ACAD10: variants seen among roughly 807,000 people sequenced by gnomAD.
ACAD10 encodes acyl-CoA dehydrogenase family member 10.
Under a neutral mutation model 116.8 loss-of-function variants are expected in ACAD10, and 112 were observed. The ratio of observed to expected loss-of-function variants is 0.96; its 90% CI spans 0.82 to 1.12. The LOEUF is 1.12. Among genes scored for constraint, ACAD10 ranks in the 50% most tolerant of loss-of-function variants. ACAD10 has a pLI of 0.00. For missense variants in ACAD10, 1,259 were observed against 1,350.2 expected, an observed-to-expected ratio of 0.93 and a Z score of 1.06; for synonymous variants, 486 against 510.6, an observed-to-expected ratio of 0.95 and a Z score of 0.65.
At chr12:111,738,739 C>T (rs1034914762) in intron 12 of ACAD10, among the ~76,000 whole-genome samples, 10 of 151,544 alleles carry the variant, frequency 6.6e-5, no homozygotes, top group African/African-American at 9.7e-5. Context: ...TGATGGCGGG[C>T]GCCTAAAATC....
rs541568336 is a variant in ACAD10, at chr12:111,712,356, C to T, written c.691-142C>T. The T allele has an allele frequency of 6.8e-6, 5 of 730,742 alleles. No homozygotes were observed. In the East Asian group the frequency reaches 1.4e-4, roughly 21 times the overall value. 45.3% of individuals were successfully genotyped at this position (730,742 alleles called of 1,614,324 possible). Reference sequence around the variant, plus strand: ...CCAGGATTGACTGCTGGCACCTGTTCAATATATATTCTCTGCACCTGTACT... The same window carrying T: ...CCAGGATTGACTGCTGGCACCTGTTTAATATATATTCTCTGCACCTGTACT... On this transcript the variant is annotated intron_variant, in intron 5 of 20. Transcript: ENST00000313698.
In ACAD10 at chr12:111,729,788, T is replaced by C. The variant is rs753471302; in HGVS notation, c.1244-18T>C. The C allele has an allele frequency of 8.7e-6, 14 of 1,608,892 alleles. No individual in the cohort carries two copies. In the African/African-American group the frequency reaches 1.6e-4, roughly 18 times the overall value. On this transcript the variant is annotated intron_variant, in intron 9 of 20. Transcript: ENST00000313698. ...GTTGCTGAAATTGCACACCAAGTTC[T>C]AATCCTATTTCCCGCAGGGGACTAT... is the stretch of plus-strand genomic sequence containing the variant.
rs560344796 is a variant in ACAD10 at position 111,718,036 on chromosome 12, C to CTTTTTTTTTTTTTTTTTTTTTT, written c.992+2084_992+2105dup. Among the ~76,000 whole-genome samples, 4 of 63,680 alleles carry CTTTTTTTTTTTTTTTTTTTTTT rather than the reference C, an allele frequency of 6.3e-5. 1 individual carries two copies. The highest frequency in any genetic ancestry group is 3.3e-4 in the African/African-American group (4 of 12,194). The allele number at this position is 63,680 out of a possible 152,430, so 41.8% of individuals were successfully genotyped here. A position where few individuals can be genotyped will look rare whatever the true frequency, so the allele number is the denominator to read the frequency against. On this transcript the variant is annotated intron_variant, in intron 7 of 20. Coordinates refer to ENST00000313698, the MANE Select transcript of ACAD10 (RefSeq NM_025247.6). ...TATACGTAGGATCTATAGTGATATC[C>CTTTTTTTTTTTTTTTTTTTTTT]TTTTTTTTTTTTTTTTTTTTTTTTT...
At chr12:111,706,596 T>C (rs1482177023) in intron 4 of ACAD10, among the ~76,000 whole-genome samples, 1 of 151,526 alleles carries the variant, frequency 6.6e-6, no homozygotes, top group East Asian at 1.9e-4. Flanking sequence ...ATTACAGATG[T>C]GTGCCACCAT....
At chr12:111,690,232 A>G (rs1887997339) in intron 1 of ACAD10, among the ~76,000 whole-genome samples, 1 of 152,200 alleles carries the variant, frequency 6.6e-6, no homozygotes. Flanking sequence ...CGTATATATA[A>G]TGAGATATCT....
chr12:111,747,600 C>A (rs1889950269), intron 16 of ACAD10: 1 of 1,378,240 alleles, frequency 7.3e-7, no homozygotes, highest in Non-Finnish European at 9.4e-7. Flanking sequence ...CAGGGACGTC[C>A]CCCGGTGCCC....
rs538326671 is a variant in ACAD10, at chr12:111,753,658, C to T, written c.2818-114C>T. The T allele has an allele frequency of 1.5e-5, 21 of 1,409,100 alleles. No individual in the cohort carries two copies. The African/African-American group carries it at 2.4e-4, about 16-fold the overall frequency. 87.3% of individuals were successfully genotyped at this position (1,409,100 alleles called of 1,614,324 possible). A position where few individuals can be genotyped will look rare whatever the true frequency, so the allele number is the denominator to read the frequency against. ...GATGCACAGTCCTGGTTTCACTCTC[C>T]TCCCCTGCCCTGTCCTGTCTGCTTC... On this transcript the variant is annotated intron_variant, in intron 18 of 20. Transcript: ENST00000313698.
Position 111,716,001 on chromosome 12 carries a change from C to G in ACAD10, c.992+39C>G, listed in dbSNP as rs866179955. 1.3e-5 allele frequency: 21 copies of G among 1,612,700 alleles called. 1 individual carries two copies. The Middle Eastern group carries it at 3.5e-3, about 270-fold the overall frequency. ...GCCAGGGGAGCACTTGCCCACTAGCCTCCACTGTGCACAAGCTCAGCCCTA... is the reference window on the plus strand; with the variant it reads ...GCCAGGGGAGCACTTGCCCACTAGCGTCCACTGTGCACAAGCTCAGCCCTA... On this transcript the variant is annotated intron_variant, in intron 7 of 20. Coordinates refer to ENST00000313698, the MANE Select transcript of ACAD10 (RefSeq NM_025247.6).
At chr12:111,698,344 T>C (rs943404163) in intron 2 of ACAD10, among the ~76,000 whole-genome samples, 1 of 149,062 alleles carries the variant, frequency 6.7e-6, no homozygotes, top group African/African-American at 2.5e-5. Flanking sequence ...TGGCCCAGGC[T>C]GTCAGGCTGG....
At position 111,702,265 on chromosome 12, in the gene ACAD10, A is replaced by G. The variant is rs1339856443; in HGVS notation, c.291A>G (p.Thr97=). 6.2e-7 allele frequency: 1 copy of G among 1,614,200 alleles called. No individual in the cohort carries two copies. Among genetic ancestry groups the G allele is most frequent in the Non-Finnish European group, 8.5e-7 (1 of 1,180,022 alleles). Reference sequence around the variant, plus strand: ...TGAGATTTATGAGAGCAGAAATAACAGCAGAGGGTTTTTTACGAGAATTTG... The same window carrying G: ...TGAGATTTATGAGAGCAGAAATAACGGCAGAGGGTTTTTTACGAGAATTTG... ...PWMRFMRAEI[T]AEGFLREFGR... The change falls in exon 3 of 21, where the codon ACA becomes ACG. Residue 97 remains threonine, a synonymous_variant. Coordinates refer to ENST00000313698, the MANE Select transcript of ACAD10 (RefSeq NM_025247.6).
chr12:111,747,429 CTG>C (rs1359038151), intron 16 of ACAD10, 44 bp downstream of exon 16: 1 of 1,607,176 alleles, frequency 6.2e-7, no homozygotes, highest in Non-Finnish European at 8.5e-7. Context: ...ATCAGGGAGT[CTG>C]TGCTGTTAGG....
At chr12:111,719,706 C>A (rs960225744) in intron 7 of ACAD10, among the ~76,000 whole-genome samples, 2 of 152,102 alleles carry the variant, frequency 1.3e-5, no homozygotes, top group African/African-American at 4.8e-5. Context: ...GCATGAGGCA[C>A]CATGCCCGGC....
chr12:111,744,096 G>C (rs1889822573), intron 12 of ACAD10, among the ~76,000 whole-genome samples: 1 of 152,098 alleles, frequency 6.6e-6, no homozygotes, highest in African/African-American at 2.4e-5. Context: ...AAAAAGTCTT[G>C]ATGCACATTT....
At chr12:111,710,191 G>A in intron 5 of ACAD10, 1 of 405,542 alleles carries the variant, frequency 2.5e-6, no homozygotes. Flanking sequence ...CTGGGCTTAA[G>A]TGATCCTCCT....
chr12:111,736,035 A>G (rs1028605658), intron 11 of ACAD10, among the ~76,000 whole-genome samples: 2 of 151,122 alleles, frequency 1.3e-5, no homozygotes, highest in Non-Finnish European at 2.9e-5. Context: ...GTGTGCCACA[A>G]TGTCTGGCTA....
Position 111,734,704 on chromosome 12 carries a change from A to G in ACAD10, c.1540+636A>G, listed in dbSNP as rs145954577. The stretch of plus-strand genomic sequence containing the variant: ...CAACAACAACAAAACAGTTAAAATC[A>G]TTAGTAGTCCCAGAGATAACCATTT... On this transcript the variant is annotated intron_variant, in intron 11 of 20. Transcript: ENST00000313698. Among the ~76,000 whole-genome samples, 36 of 152,340 alleles carry G rather than the reference A, an allele frequency of 2.4e-4. No individual in the cohort carries two copies. The East Asian group carries it at 6.0e-3, about 25-fold the overall frequency.
intron 4 of ACAD10, among the ~76,000 whole-genome samples, chr12:111,707,422 T>G (rs1888544600): frequency 6.6e-6 from 1 of 152,094 alleles, no homozygotes; most frequent in African/African-American, 2.4e-5. Flanking sequence ...AAAATGTTTG[T>G]TTTTGTCTTA....
rs1172862011 is a variant in ACAD10 at position 111,728,142 on chromosome 12, A to T, written c.1242A>T (p.Gln414His). The T allele has an allele frequency of 5.6e-6, 9 of 1,599,370 alleles. No individual in the cohort carries two copies. Among genetic ancestry groups the T allele is most frequent in the Non-Finnish European group, 7.7e-6 (9 of 1,172,482 alleles). ...TGGGACTTGAAGACTATGGGAAGCA[A>T]GGTGAGCAGGAGGCCACGTCTCCCA... ...QAVGLEDYGKQGDYIPRQVRT... is the reference protein window; with the variant it reads ...QAVGLEDYGKHGDYIPRQVRT... Residue 414 changes from glutamine to histidine, a missense_variant and splice_region_variant, in exon 9 of 21, where the codon CAA becomes CAT. By Grantham distance (24) the Gln-to-His change is conservative. Transcript: ENST00000313698.
At chr12:111,756,141 T>G in intron 20 of ACAD10, 192 bp from the exon 21 acceptor site, 1 of 1,420,052 alleles carries the variant, frequency 7.0e-7, no homozygotes, top group Non-Finnish European at 9.1e-7. Flanking sequence ...GCCTGGGGAG[T>G]CTGGAGGCCG....
Sources: allele counts gnomAD v4.1 joint callset (sites outside exome capture counted in the v4.1 genomes callset), GRCh38; gene constraint gnomAD v4.1.1; transcripts MANE v1.5; gene names NCBI Gene and HGNC (gene_info 2026-07-23, HGNC 2026-07-21).